MYO1E: variants seen among roughly 807,000 people sequenced by gnomAD.
The protein encoded by MYO1E is myosin IE, also known as unconventional myosin-Ie.
Under a neutral mutation model 151.1 loss-of-function variants are expected in MYO1E, and 68 were observed. The ratio of observed to expected loss-of-function variants is 0.45; its 90% CI spans 0.37 to 0.55. The LOEUF is 0.55. Ranked by LOEUF, MYO1E falls within the 20% of genes least tolerant of loss-of-function variation. MYO1E has a pLI of 0.00. For missense variants in MYO1E, 1,363 were observed against 1,389.3 expected (o/e 0.98, Z 0.30); for synonymous variants, 601 against 501.7 (o/e 1.20, Z -2.64).
chr15:59,192,486 G>A (rs1161270743), intron 17 of MYO1E, among the ~76,000 whole-genome samples: 9 of 152,142 alleles, frequency 5.9e-5, no homozygotes, highest in African/African-American at 2.2e-4. Context: ...ATTTTAGAGG[G>A]GCTTTCAGTA....
At chr15:59,354,446 T>C (rs1233984796) in intron 1 of MYO1E, among the ~76,000 whole-genome samples, 1 of 152,176 alleles carries the variant, frequency 6.6e-6, no homozygotes, top group Non-Finnish European at 1.5e-5. Flanking sequence ...TGATCTTTCA[T>C]ATCAGCAAAA....
intron 1 of MYO1E, among the ~76,000 whole-genome samples, chr15:59,323,156 A>ATG (rs1254336700): frequency 4.5e-5 from 6 of 134,512 alleles, no homozygotes; most frequent in East Asian, 2.3e-4. Flanking sequence ...GCGACAGAGC[A>ATG]AGACCCCATC....
intron 1 of MYO1E, among the ~76,000 whole-genome samples, chr15:59,309,965 A>G (rs1371560030): frequency 6.6e-6 from 1 of 151,630 alleles, no homozygotes; most frequent in African/African-American, 2.4e-5. Flanking sequence ...CTTCAGACCC[A>G]CCCCTCGACT....
chr15:59,223,555 G>A (rs897371611), intron 8 of MYO1E, among the ~76,000 whole-genome samples: 6 of 152,174 alleles, frequency 3.9e-5, no homozygotes, highest in African/African-American at 1.4e-4. Flanking sequence ...TGTACACAAA[G>A]TCTCCAAGTC....
chr15:59,161,382 C>T (rs2079537549), intron 23 of MYO1E, 152 bp from the exon 24 acceptor site: 1 of 883,536 alleles, frequency 1.1e-6, no homozygotes, highest in Non-Finnish European at 1.7e-6. Flanking sequence ...AGGATGCGCA[C>T]CGCATCCATG....
intron 12 of MYO1E, among the ~76,000 whole-genome samples, 163 bp from the exon 13 acceptor site, chr15:59,210,763 G>C (rs2079873989): frequency 6.6e-6 from 1 of 152,148 alleles, no homozygotes; most frequent in Non-Finnish European, 1.5e-5. Flanking sequence ...TAACAGGAAA[G>C]GAACATTTTA....
At chr15:59,358,144 A>T (rs114220604) in intron 1 of MYO1E, among the ~76,000 whole-genome samples, 3,692 of 152,236 alleles carry the variant, frequency 0.024, 95 homozygotes, top group African/African-American at 0.061. Flanking sequence ...AATGCTTGCC[A>T]CATTGTCCTC....
At chr15:59,231,017 C>T (rs2080024516) in intron 6 of MYO1E, among the ~76,000 whole-genome samples, 1 of 152,032 alleles carries the variant, frequency 6.6e-6, no homozygotes, top group South Asian at 2.1e-4. Context: ...TCCTATTTAC[C>T]CCCTCTGGAG....
At chr15:59,267,489 G>A (rs894336136) in intron 2 of MYO1E, among the ~76,000 whole-genome samples, 6 of 152,172 alleles carry the variant, frequency 3.9e-5, no homozygotes, top group Admixed American at 6.5e-5. Flanking sequence ...GCTCCAGCCC[G>A]GCATCTGTCT....
In MYO1E at chr15:59,152,149, A is replaced by T. The variant is rs1399235001; in HGVS notation, c.3080+1441T>A. ...GAGGCTGAGGCAGGAGAATCACTTG[A>T]ACCTGGGAGGAGGCTGCAGTGAGCC... is the stretch of plus-strand genomic sequence containing the variant. On this transcript the variant is annotated intron_variant, in intron 26 of 27. Coordinates refer to ENST00000288235, the MANE Select transcript of MYO1E (RefSeq NM_004998.4). Among the ~76,000 whole-genome samples, 3 of 152,084 alleles carry T rather than the reference A, an allele frequency of 2.0e-5. No individual in the cohort carries two copies. The East Asian group carries it at 5.8e-4, about 29-fold the overall frequency.
chr15:59,277,321 C>A (rs1393168363), intron 1 of MYO1E, among the ~76,000 whole-genome samples: 2 of 152,000 alleles, frequency 1.3e-5, no homozygotes, highest in Non-Finnish European at 2.9e-5. Flanking sequence ...CCAAGGTGGG[C>A]GGATCACAAG....
intron 1 of MYO1E, among the ~76,000 whole-genome samples, chr15:59,335,401 A>T (rs986819708): frequency 1.3e-5 from 2 of 152,186 alleles, no homozygotes; most frequent in African/African-American, 4.8e-5. Flanking sequence ...AATACCACAG[A>T]ATGCAAGATT....
At chr15:59,175,385 T>G (rs557863388) in intron 19 of MYO1E, among the ~76,000 whole-genome samples, 1 of 152,216 alleles carries the variant, frequency 6.6e-6, no homozygotes, top group Non-Finnish European at 1.5e-5. Flanking sequence ...CCAATGTGGT[T>G]TGAAGGCAGC....
At chr15:59,361,957 C>T (rs1357596703) in intron 1 of MYO1E, among the ~76,000 whole-genome samples, 1 of 152,136 alleles carries the variant, frequency 6.6e-6, no homozygotes, top group Non-Finnish European at 1.5e-5. Flanking sequence ...CTGCCTCAGC[C>T]TCCCGAGTAG....
chr15:59,254,202 A>C (rs1318934431), intron 4 of MYO1E, among the ~76,000 whole-genome samples: 2 of 152,034 alleles, frequency 1.3e-5, no homozygotes, highest in African/African-American at 4.8e-5. Context: ...TAAAAAAACA[A>C]AACAAAACAA....
chr15:59,156,591 A>C (rs2079510935), intron 25 of MYO1E, among the ~76,000 whole-genome samples: 1 of 152,210 alleles, frequency 6.6e-6, no homozygotes, highest in African/African-American at 2.4e-5. Flanking sequence ...GGTCTCCCAA[A>C]GTGTTGGGAT....
intron 25 of MYO1E, among the ~76,000 whole-genome samples, chr15:59,157,527 A>G (rs187880202): frequency 6.6e-6 from 1 of 152,080 alleles, no homozygotes; most frequent in African/African-American, 2.4e-5. Context: ...GTGCCATCTC[A>G]CCCTGTCCCG....
intron 1 of MYO1E, among the ~76,000 whole-genome samples, chr15:59,316,968 ATT>A (rs1314107919): frequency 9.2e-5 from 14 of 152,318 alleles, no homozygotes; most frequent in African/African-American, 2.4e-4. Context: ...AGATGCTCTT[ATT>A]TAGTAACCTC....
chr15:59,310,406 C>G (rs1311926981), intron 1 of MYO1E, among the ~76,000 whole-genome samples: 1 of 152,116 alleles, frequency 6.6e-6, no homozygotes, highest in Non-Finnish European at 1.5e-5. Context: ...GTCAGCAAAG[C>G]GGGCCTTAAT....
Sources: gnomAD v4.1 joint callset for allele counts (sites outside exome capture counted in the v4.1 genomes callset) on GRCh38, gnomAD v4.1.1 for gene constraint, MANE v1.5 for transcripts, NCBI Gene and HGNC (gene_info 2026-07-23, HGNC 2026-07-21) for gene names.